HIVEP3: variants seen among roughly 807,000 people sequenced by gnomAD.
HIVEP3 encodes transcription factor HIVEP3.
A neutral mutation model predicts 152.8 loss-of-function variants in HIVEP3; 49 were observed. That is an observed-to-expected ratio of 0.32 (90% CI 0.26 to 0.41). The LOEUF is 0.41. Among genes scored for constraint, HIVEP3 ranks in the 10% least tolerant of loss-of-function variants. The pLI, the probability that HIVEP3 is intolerant of heterozygous loss-of-function variation, is 1.00. For missense variants in HIVEP3, 2,790 were observed against 3,103.3 expected (o/e 0.90, Z 2.40); for synonymous variants, 1,269 against 1,289.0 (o/e 0.98, Z 0.33).
At chr1:42,000,297 G>A (rs1241801777) in intron 1 of HIVEP3, among the ~76,000 whole-genome samples, 1 of 152,194 alleles carries the variant, frequency 6.6e-6, no homozygotes, top group Non-Finnish European at 1.5e-5. Flanking sequence ...TCCCTCAGTA[G>A]ATCCAGGAGA....
At chr1:41,822,028 T>C (rs1165289750) in intron 1 of HIVEP3, among the ~76,000 whole-genome samples, 1 of 152,196 alleles carries the variant, frequency 6.6e-6, no homozygotes, top group Non-Finnish European at 1.5e-5. Context: ...CATCCTTTTA[T>C]TGCTCCCAAT....
chr1:41,654,027 C>G (rs142075814), intron 2 of HIVEP3, among the ~76,000 whole-genome samples: 1 of 147,510 alleles, frequency 6.8e-6, no homozygotes, highest in East Asian at 2.1e-4. Context: ...ACTCTTCTGA[C>G]TCTGTTCTCC....
At chr1:41,589,143 A>C (rs6600380) in intron 3 of HIVEP3, among the ~76,000 whole-genome samples, 1 of 152,088 alleles carries the variant, frequency 6.6e-6, no homozygotes, top group Non-Finnish European at 1.5e-5. Context: ...CCACTTTTCC[A>C]GGGAATTGGT....
At chr1:41,884,752 C>T (rs970139849) in intron 1 of HIVEP3, among the ~76,000 whole-genome samples, 1 of 152,192 alleles carries the variant, frequency 6.6e-6, no homozygotes, top group Non-Finnish European at 1.5e-5. Context: ...TCAGGCTCCT[C>T]CTGGTCTACC....
chr1:42,016,795 C>A (rs1005063448), intron 1 of HIVEP3, among the ~76,000 whole-genome samples: 2 of 152,032 alleles, frequency 1.3e-5, no homozygotes, highest in African/African-American at 4.8e-5. Flanking sequence ...ACAGGGTGTA[C>A]CTTATATAAC....
chr1:41,625,009 C>T (rs767166647), intron 3 of HIVEP3, among the ~76,000 whole-genome samples: 40 of 151,866 alleles, frequency 2.6e-4, no homozygotes, highest in Non-Finnish European at 4.6e-4. Flanking sequence ...AATAAAAATA[C>T]AAAAATTAGC....
chr1:41,850,794 T>C lies in HIVEP3; in HGVS notation c.-801+67619A>G, dbSNP rs114255263. On this transcript the variant is annotated intron_variant, in intron 1 of 8. Coordinates refer to ENST00000372583, the MANE Select transcript of HIVEP3 (RefSeq NM_024503.5). ...ACGTGGAGGGTTCCTGGGAGAACTC[T>C]TCCTACTAGGCACCACATTGTTGAA... Among the ~76,000 whole-genome samples the C allele has an allele frequency of 2.0e-3, 306 of 152,334 alleles. 1 individual carries two copies. Among genetic ancestry groups the C allele is most frequent in the African/African-American group, 7.2e-3 (298 of 41,590 alleles).
At chr1:41,826,980 G>A (rs1465009381) in intron 1 of HIVEP3, among the ~76,000 whole-genome samples, 2 of 152,104 alleles carry the variant, frequency 1.3e-5, no homozygotes. Flanking sequence ...CTCTTCCCCA[G>A]GTCCCATGGA....
chr1:41,704,588 A>G (rs1425023291), intron 1 of HIVEP3, among the ~76,000 whole-genome samples: 3 of 152,240 alleles, frequency 2.0e-5, no homozygotes, highest in Admixed American at 2.0e-4. Context: ...TGCTTATGGG[A>G]AGGAGCTAAC....
At position 41,826,854 on chromosome 1, in the gene HIVEP3, T is replaced by G. The variant is rs181488870; in HGVS notation, c.-801+91559A>C. Among the ~76,000 whole-genome samples, 307 of 152,360 alleles carry G rather than the reference T, an allele frequency of 2.0e-3. 1 individual carries two copies. Among genetic ancestry groups the G allele is most frequent in the South Asian group, 5.8e-3 (28 of 4,828 alleles). ...CAATGTGGACTGGACTAATAGTGAC[T>G]GAGCCCTGCCATGCACTTGGTACCC... On this transcript the variant is annotated intron_variant, in intron 1 of 8. Coordinates refer to ENST00000372583, the MANE Select transcript of HIVEP3 (RefSeq NM_024503.5).
intron 1 of HIVEP3, among the ~76,000 whole-genome samples, chr1:41,731,171 T>C (rs1179787792): frequency 2.6e-5 from 4 of 152,096 alleles, no homozygotes; most frequent in Non-Finnish European, 4.4e-5. Flanking sequence ...CCACTGAGTG[T>C]TGGGGGCATG....
chr1:41,513,774 A>G, intron 7 of HIVEP3, 24 bp from the exon 8 acceptor site: 1 of 1,526,334 alleles, frequency 6.6e-7, no homozygotes, highest in Non-Finnish European at 8.8e-7. Context: ...CAGAAGACCC[A>G]AGGTCACAGT....
At chr1:41,624,903 C>T (rs537324632) in intron 3 of HIVEP3, among the ~76,000 whole-genome samples, 169 of 152,264 alleles carry the variant, frequency 1.1e-3, no homozygotes, top group Admixed American at 3.3e-3. Flanking sequence ...CGGTGGCTCA[C>T]GCCTGTAATC....
chr1:41,854,274 G>A (rs928646441), intron 1 of HIVEP3, among the ~76,000 whole-genome samples: 1 of 152,178 alleles, frequency 6.6e-6, no homozygotes, highest in Non-Finnish European at 1.5e-5. Flanking sequence ...GCTGGGGAAG[G>A]GAGCCTGCTA....
chr1:42,014,828 G>C (rs1052002878), intron 1 of HIVEP3, among the ~76,000 whole-genome samples: 2 of 152,194 alleles, frequency 1.3e-5, no homozygotes, highest in African/African-American at 2.4e-5. Context: ...AGGGTTCCTT[G>C]TTGGTTTTTA....
intron 1 of HIVEP3, among the ~76,000 whole-genome samples, chr1:41,788,991 C>T (rs1256341215): frequency 1.3e-5 from 2 of 152,200 alleles, no homozygotes; most frequent in Non-Finnish European, 2.9e-5. Context: ...AGCCATCTCG[C>T]CCCCTGGCTC....
In HIVEP3 at chr1:41,628,956, G is replaced by A; in HGVS notation, c.-720-9C>T. 1 of 1,229,936 alleles carries A rather than the reference G, an allele frequency of 8.1e-7. No individual in the cohort carries two copies. The highest frequency in any genetic ancestry group is 1.0e-6 in the Non-Finnish European group (1 of 987,144). The allele number at this position is 1,229,936 out of a possible 1,614,324, so 76.2% of individuals were successfully genotyped here. ...GGTTTGTGCCTCGAATCCTGCAGGA[G>A]ATGATTGAGAAACATGGTCAAAGAA... On this transcript the variant is annotated splice_polypyrimidine_tract_variant and intron_variant, in intron 2 of 8. Coordinates refer to ENST00000372583, the MANE Select transcript of HIVEP3 (RefSeq NM_024503.5).
intron 1 of HIVEP3, among the ~76,000 whole-genome samples, chr1:41,965,873 C>T (rs1401493996): frequency 2.0e-5 from 3 of 152,142 alleles, no homozygotes; most frequent in African/African-American, 7.2e-5. Flanking sequence ...TCAGGAAATC[C>T]AGAGAACTCC....
chr1:41,584,939 G>A lies in HIVEP3; in HGVS notation c.-142C>T, dbSNP rs1032006578. ...GGAGCCAAACCCAAGACGGCTTTGG[G>A]AGTTTTTTGCAAGTGTCACTGGCTG... On this transcript the variant is annotated 5_prime_UTR_variant, in exon 4 of 9. Transcript: ENST00000372583. The surrounding 1 kb of genome is among the most constrained non-coding windows in gnomAD (Gnocchi z 5.2). 1.4e-6 allele frequency: 1 copy of A among 725,468 alleles called. No individual in the cohort carries two copies. Among genetic ancestry groups the A allele is most frequent in the South Asian group, 4.3e-5 (1 of 23,194 alleles). 44.9% of individuals were successfully genotyped at this position (725,468 alleles called of 1,614,324 possible).
Sources: allele counts gnomAD v4.1 joint callset (sites outside exome capture counted in the v4.1 genomes callset), GRCh38; gene constraint gnomAD v4.1.1; non-coding constraint Gnocchi (gnomAD v3.1); transcripts MANE v1.5; gene names NCBI Gene and HGNC (gene_info 2026-07-23, HGNC 2026-07-21).